The following PDE4D variants were observed in gnomAD, a reference collection of about 807,000 sequenced individuals.
The protein encoded by PDE4D is 3',5'-cyclic-AMP phosphodiesterase 4D.
PDE4D carries 24 observed loss-of-function variants against 87.4 expected under a neutral mutation model. That is an observed-to-expected ratio of 0.27 (90% confidence interval 0.20 to 0.39). PDE4D has a LOEUF of 0.39. Among genes scored for constraint, PDE4D ranks in the 10% least tolerant of loss-of-function variants. PDE4D has a pLI of 1.00. For missense variants in PDE4D, 714 were observed against 1,041.0 expected (o/e 0.69, Z 4.32); for synonymous variants, 384 against 383.2 (o/e 1.00, Z -0.02).
chr5:59,719,926 T>G (rs1182554375), intron 1 of PDE4D, among the ~76,000 whole-genome samples: 6 of 152,194 alleles, frequency 3.9e-5, no homozygotes, highest in Non-Finnish European at 8.8e-5. Flanking sequence ...AACTCTGCTA[T>G]TTCTCAAGAA....
At chr5:60,275,890 G>A (rs1751313188) in intron 1 of PDE4D, among the ~76,000 whole-genome samples, 1 of 151,780 alleles carries the variant, frequency 6.6e-6, no homozygotes, top group South Asian at 2.1e-4. Context: ...TTAATCCATG[G>A]ATTTTTAGAA....
rs560149120 is a variant in PDE4D, at chr5:59,008,419, T to C, written c.922-14954A>G. ...GCATGCTTCCAGAAATATATAATCT[T>C]TTACACATATCACTTTAATATGTGC... On this transcript the variant is annotated intron_variant, in intron 6 of 14. Transcript: ENST00000340635. Among the ~76,000 whole-genome samples, 363 of 123,804 alleles carry C rather than the reference T, an allele frequency of 2.9e-3. 1 individual carries two copies. The highest frequency in any genetic ancestry group is 0.016 in the Middle Eastern group (4 of 258). The allele number at this position is 123,804 out of a possible 152,430, so 81.2% of individuals were successfully genotyped here. A position where few individuals can be genotyped will look rare whatever the true frequency, so the allele number is the denominator to read the frequency against.
At chr5:60,237,996 C>T (rs1330823357) in intron 1 of PDE4D, among the ~76,000 whole-genome samples, 1 of 151,936 alleles carries the variant, frequency 6.6e-6, no homozygotes, top group Non-Finnish European at 1.5e-5. Flanking sequence ...TACCTCCCTT[C>T]ACAGAAAAAT....
chr5:59,635,986 C>G (rs1414408070), intron 1 of PDE4D, among the ~76,000 whole-genome samples: 1 of 152,108 alleles, frequency 6.6e-6, no homozygotes, highest in Admixed American at 6.5e-5. Context: ...TTAGAAAACC[C>G]CATCGTCTCA....
chr5:59,990,766 T>C (rs920683050), intron 2 of PDE4D, among the ~76,000 whole-genome samples: 1 of 152,140 alleles, frequency 6.6e-6, no homozygotes, highest in Non-Finnish European at 1.5e-5. Flanking sequence ...ATTTTACCCA[T>C]TAAAAAACCC....
chr5:60,160,216 A>G (rs1225476773), intron 2 of PDE4D, among the ~76,000 whole-genome samples: 1 of 152,188 alleles, frequency 6.6e-6, no homozygotes, highest in Admixed American at 6.5e-5. Flanking sequence ...TAATACAAAA[A>G]CATAAAAATT....
intron 2 of PDE4D, among the ~76,000 whole-genome samples, chr5:60,154,195 T>C (rs1781762456): frequency 6.6e-6 from 1 of 152,216 alleles, no homozygotes; most frequent in African/African-American, 2.4e-5. Flanking sequence ...GGAGATATTC[T>C]GGGGTTGCAT....
chr5:59,434,753 A>G (rs577422873), intron 1 of PDE4D, among the ~76,000 whole-genome samples: 1 of 152,164 alleles, frequency 6.6e-6, no homozygotes, highest in South Asian at 2.1e-4. Flanking sequence ...TATATTCCCT[A>G]GTACTGGCCA....
At chr5:59,617,980 AT>A (rs1375624097) in intron 1 of PDE4D, among the ~76,000 whole-genome samples, 1 of 151,940 alleles carries the variant, frequency 6.6e-6, no homozygotes, top group Non-Finnish European at 1.5e-5. Flanking sequence ...CTTTCCCTTT[AT>A]AAAGCCTCTC....
At chr5:59,916,780 C>G (rs912875921) in intron 3 of PDE4D, among the ~76,000 whole-genome samples, 3 of 151,534 alleles carry the variant, frequency 2.0e-5, no homozygotes, top group African/African-American at 4.8e-5. Context: ...TATAAAACTA[C>G]ATAGATTCCT....
At chr5:60,286,342 G>A (rs906038158) in intron 1 of PDE4D, among the ~76,000 whole-genome samples, 3 of 152,082 alleles carry the variant, frequency 2.0e-5, no homozygotes, top group African/African-American at 7.2e-5. Flanking sequence ...CATTCTTAAA[G>A]ACCATTTTTG....
chr5:59,649,293 T>A lies in PDE4D; in HGVS notation c.455+243875A>T, dbSNP rs556619416. Among the ~76,000 whole-genome samples, 57 of 152,262 alleles carry A rather than the reference T, an allele frequency of 3.7e-4. No individual in the cohort carries two copies. In the South Asian group the frequency reaches 0.012, roughly 31 times the overall value. Reference sequence around the variant, plus strand: ...GAAGATATGAGGAAGAGAATAAAACTCTTCAAGGCAACAGCATGATATAAA... The same window carrying A: ...GAAGATATGAGGAAGAGAATAAAACACTTCAAGGCAACAGCATGATATAAA... On this transcript the variant is annotated intron_variant, in intron 1 of 14. Transcript: ENST00000340635.
chr5:60,155,283 C>A (rs1781868270), intron 2 of PDE4D, among the ~76,000 whole-genome samples: 1 of 152,114 alleles, frequency 6.6e-6, no homozygotes, highest in Non-Finnish European at 1.5e-5. Context: ...TTTATTGTAG[C>A]AATTTTTGTG....
At chr5:60,502,008 TA>T (rs1750102382) in intron 1 of PDE4D, among the ~76,000 whole-genome samples, 1 of 152,128 alleles carries the variant, frequency 6.6e-6, no homozygotes, top group South Asian at 2.1e-4. Context: ...TTAGTTTAAT[TA>T]GATCCCATTT....
chr5:60,286,380 T>G (rs1013025252), intron 1 of PDE4D, among the ~76,000 whole-genome samples: 2 of 152,174 alleles, frequency 1.3e-5, no homozygotes, highest in African/African-American at 4.8e-5. Flanking sequence ...TCAGGGCCAC[T>G]TTTTTCTTAC....
At position 60,081,125 on chromosome 5, in the gene PDE4D, G is replaced by C. The variant is rs559674430; in HGVS notation, c.43-92408C>G. ...TGTCTTGGTAGGATGTATGTGTTCA[G>C]GAGTTTATCCATTTCTTCTAGATTT... is the stretch of plus-strand genomic sequence containing the variant. On this transcript the variant is annotated intron_variant, in intron 2 of 16. Transcript: ENST00000502484. Among the ~76,000 whole-genome samples the C allele has an allele frequency of 9.9e-5, 15 of 151,842 alleles. No individual in the cohort carries two copies. In the South Asian group the frequency reaches 2.1e-3, roughly 21 times the overall value.
intron 5 of PDE4D, among the ~76,000 whole-genome samples, chr5:59,071,021 T>C (rs766008567): frequency 6.6e-6 from 1 of 152,212 alleles, no homozygotes; most frequent in African/African-American, 2.4e-5. Flanking sequence ...AGATACATTT[T>C]TTAAAGGCTC....
intron 1 of PDE4D, among the ~76,000 whole-genome samples, chr5:60,507,682 A>T (rs777343363): frequency 2.0e-5 from 3 of 152,120 alleles, no homozygotes; most frequent in Non-Finnish European, 2.9e-5. Flanking sequence ...ATTGATAGGG[A>T]TACAAAATAC....
intron 1 of PDE4D, among the ~76,000 whole-genome samples, chr5:59,698,524 C>T (rs1282380727): frequency 1.3e-5 from 2 of 152,036 alleles, no homozygotes; most frequent in Non-Finnish European, 2.9e-5. Context: ...TTACAGCAAA[C>T]TTTACCTGTA....
Sources: gnomAD v4.1 joint callset for allele counts (sites outside exome capture counted in the v4.1 genomes callset) on GRCh38, gnomAD v4.1.1 for gene constraint, MANE v1.5 for transcripts, NCBI Gene and HGNC (gene_info 2026-07-23, HGNC 2026-07-21) for gene names.